Variants in LDLRAD4 observed in about 807,000 individuals in gnomAD.
LDLRAD4 encodes low-density lipoprotein receptor class A domain-containing protein 4.
LDLRAD4 carries 5 observed loss-of-function variants against 17.0 expected under a neutral mutation model. The observed-to-expected ratio is 0.29, with a 90% CI of 0.15 to 0.62. The LOEUF (loss-of-function observed/expected upper bound fraction) is 0.62. LDLRAD4 is among the 20% of genes least tolerant of loss of function. The probability of loss-of-function intolerance (pLI) is 0.84; values close to 1 mark genes in which losing one functional copy is unlikely to be tolerated. For synonymous variants in LDLRAD4, 168 were observed against 171.8 expected (o/e 0.98, Z 0.17); for missense variants, 340 against 424.7 (o/e 0.80, Z 1.75).
chr18:13,243,799 A>G (rs2042800728), intron 1 of LDLRAD4, among the ~76,000 whole-genome samples: 1 of 139,220 alleles, frequency 7.2e-6, no homozygotes, highest in Admixed American at 7.3e-5. Flanking sequence ...TCCATCTATC[A>G]TCTCCCCAGC....
intron 3 of LDLRAD4, among the ~76,000 whole-genome samples, chr18:13,608,850 T>C (rs1339120507): frequency 6.6e-6 from 1 of 152,194 alleles, no homozygotes; most frequent in Non-Finnish European, 1.5e-5. Context: ...GTCAGATGGA[T>C]TAATGAACTG....
At chr18:13,562,070 G>A (rs747689662) in intron 3 of LDLRAD4, among the ~76,000 whole-genome samples, 2 of 152,168 alleles carry the variant, frequency 1.3e-5, no homozygotes, top group African/African-American at 2.4e-5. Context: ...GAACTTCCTG[G>A]TCCTATAGAT....
chr18:13,268,752 G>C (rs1025890940), intron 1 of LDLRAD4, among the ~76,000 whole-genome samples: 4 of 152,238 alleles, frequency 2.6e-5, no homozygotes, highest in African/African-American at 9.6e-5. Flanking sequence ...CTAAAAGGCA[G>C]TAAAGTAAAT....
rs138801544 is a variant in LDLRAD4, at chr18:13,623,876, T to C, written c.336+2605T>C. Among the ~76,000 whole-genome samples, 528 of 152,278 alleles carry C rather than the reference T, an allele frequency of 3.5e-3. 1 individual carries two copies. The highest frequency in any genetic ancestry group is 0.012 in the African/African-American group (500 of 41,560). On this transcript the variant is annotated intron_variant, in intron 4 of 5. Transcript: ENST00000359446. Reference sequence around the variant, plus strand: ...CTCCTAATTCCCTACTTCTAACTTCTTTTAAGAAATGCCTGTTCCCCGTAT... The same window carrying C: ...CTCCTAATTCCCTACTTCTAACTTCCTTTAAGAAATGCCTGTTCCCCGTAT...
chr18:13,346,168 T>A (rs972075247), intron 1 of LDLRAD4, among the ~76,000 whole-genome samples: 4 of 152,234 alleles, frequency 2.6e-5, no homozygotes, highest in African/African-American at 9.6e-5. Flanking sequence ...TCAGTTGTGA[T>A]GTTTGGGTGT....
At chr18:13,320,462 ACT>A (rs2081159832) in intron 1 of LDLRAD4, among the ~76,000 whole-genome samples, 1 of 152,196 alleles carries the variant, frequency 6.6e-6, no homozygotes, top group Admixed American at 6.5e-5. Flanking sequence ...TCCCCCTGGG[ACT>A]GCAGTGACCA....
intron 1 of LDLRAD4, among the ~76,000 whole-genome samples, chr18:13,283,081 T>A (rs970709144): frequency 1.3e-5 from 2 of 152,224 alleles, no homozygotes; most frequent in African/African-American, 4.8e-5. Context: ...CTAGGTTGCA[T>A]ACAGCACGGG....
At chr18:13,339,245 C>G (rs1367817830) in intron 1 of LDLRAD4, among the ~76,000 whole-genome samples, 3 of 147,606 alleles carry the variant, frequency 2.0e-5, no homozygotes, top group African/African-American at 7.5e-5. Context: ...GAGTCTTGCT[C>G]TGTTGCCCAG....
At chr18:13,323,336 C>T (rs1568006965) in intron 1 of LDLRAD4, among the ~76,000 whole-genome samples, 1 of 152,236 alleles carries the variant, frequency 6.6e-6, no homozygotes, top group Non-Finnish European at 1.5e-5. Flanking sequence ...CAGGGATGCC[C>T]CTTTTTATCC....
chr18:13,510,470 C>T (rs564902231), intron 3 of LDLRAD4, among the ~76,000 whole-genome samples: 10 of 145,662 alleles, frequency 6.9e-5, no homozygotes, highest in Non-Finnish European at 1.5e-4. Flanking sequence ...CAAAGAGAGG[C>T]ATAAATAATT....
At chr18:13,612,562 G>A (rs1160741458) in intron 3 of LDLRAD4, 4 of 1,383,472 alleles carry the variant, frequency 2.9e-6, no homozygotes, top group African/African-American at 1.5e-5. Flanking sequence ...CCCCCTCCAC[G>A]CTCACACACT....
At chr18:13,287,850 T>C (rs541091910) in intron 1 of LDLRAD4, among the ~76,000 whole-genome samples, 1 of 152,340 alleles carries the variant, frequency 6.6e-6, no homozygotes, top group East Asian at 1.9e-4. Flanking sequence ...AATACTGACA[T>C]TGGTTCAATA....
At chr18:13,540,939 C>T (rs1167781361) in intron 3 of LDLRAD4, among the ~76,000 whole-genome samples, 3 of 152,172 alleles carry the variant, frequency 2.0e-5, no homozygotes, top group Admixed American at 2.0e-4. Context: ...GGGCACTGAG[C>T]AGAGCCAGCC....
chr18:13,227,627 A>G (rs1012628382), intron 1 of LDLRAD4, among the ~76,000 whole-genome samples: 3 of 152,232 alleles, frequency 2.0e-5, no homozygotes, highest in Non-Finnish European at 2.9e-5. Flanking sequence ...AAGAGGTTTA[A>G]TTGACTCACA....
At chr18:13,517,547 T>C (rs1376244472) in intron 3 of LDLRAD4, among the ~76,000 whole-genome samples, 1 of 152,194 alleles carries the variant, frequency 6.6e-6, no homozygotes, top group Non-Finnish European at 1.5e-5. Flanking sequence ...AGTCACTGTG[T>C]TCAGGGAGGG....
intron 3 of LDLRAD4, among the ~76,000 whole-genome samples, chr18:13,453,288 G>A (rs1366169854): frequency 1.3e-5 from 2 of 152,176 alleles, no homozygotes; most frequent in African/African-American, 2.4e-5. Context: ...TGAACTTGGG[G>A]TGTGAGGTTC....
chr18:13,575,839 T>A (rs1389990075), intron 3 of LDLRAD4, among the ~76,000 whole-genome samples: 2 of 152,266 alleles, frequency 1.3e-5, no homozygotes, highest in Non-Finnish European at 2.9e-5. Context: ...TTGAGCATTT[T>A]TTCCTATATT....
chr18:13,577,920 T>C (rs2094798821), intron 3 of LDLRAD4, among the ~76,000 whole-genome samples: 1 of 152,238 alleles, frequency 6.6e-6, no homozygotes, highest in Non-Finnish European at 1.5e-5. Context: ...TTTCTCGTGC[T>C]ATATCTAAAA....
intron 2 of LDLRAD4, among the ~76,000 whole-genome samples, chr18:13,404,596 G>C (rs891160753): frequency 3.3e-5 from 5 of 152,118 alleles, no homozygotes; most frequent in Non-Finnish European, 4.4e-5. Flanking sequence ...AGGAGATCGA[G>C]ACCATCCTGG....
Sources: gnomAD v4.1 joint callset for allele counts (sites outside exome capture counted in the v4.1 genomes callset) on GRCh38, gnomAD v4.1.1 for gene constraint, MANE v1.5 for transcripts, NCBI Gene and HGNC (gene_info 2026-07-23, HGNC 2026-07-21) for gene names.